Variants in PDE4C observed in about 807,000 individuals in gnomAD.
PDE4C encodes the protein phosphodiesterase 4C.
A neutral mutation model predicts 63.9 loss-of-function variants in PDE4C; 50 were observed. That is an observed-to-expected ratio of 0.78 (90% CI 0.62 to 0.99). PDE4C has a LOEUF of 0.99. Among genes scored for constraint, PDE4C ranks in the 50% least tolerant of loss-of-function variants. The pLI is 0.00. For synonymous variants in PDE4C, 377 were observed against 385.1 expected (o/e 0.98, Z 0.25); for missense variants, 777 against 899.1 (o/e 0.86, Z 1.74).
chr19:18,253,081 C>G (rs1398681786), upstream of PDE4C, among the ~76,000 whole-genome samples: 1 of 152,218 alleles, frequency 6.6e-6, no homozygotes, highest in African/African-American at 2.4e-5. Context: ...TCCCAGTCCT[C>G]TTGGCTGAGA....
At chr19:18,227,948 A>C (rs1443330577), upstream of PDE4C, among the ~76,000 whole-genome samples, 1 of 152,170 alleles carries the variant, frequency 6.6e-6, no homozygotes, top group Non-Finnish European at 1.5e-5. Context: ...GAGGAGTCAC[A>C]CAGCCCAGAA....
intron 13 of PDE4C, 148 bp from the exon 14 acceptor site, chr19:18,212,089 A>G: frequency 1.4e-6 from 1 of 734,526 alleles, no homozygotes; most frequent in Non-Finnish European, 2.2e-6. Flanking sequence ...GTTAAGGCAC[A>G]GGCATGTGAC....
At chr19:18,255,096 G>A in the PDE4C span, 9 of 393,936 alleles carry the variant, frequency 2.3e-5, no homozygotes, top group Non-Finnish European at 4.0e-5. The surrounding 1 kb of genome is among the most constrained non-coding windows in gnomAD (Gnocchi z 4.6). Flanking sequence ...AGCCTTCCTC[G>A]GAGGGTTGGC....
At chr19:18,234,017 C>T (rs2148056533), upstream of PDE4C, among the ~76,000 whole-genome samples, 1 of 152,310 alleles carries the variant, frequency 6.6e-6, no homozygotes, top group South Asian at 2.1e-4. Flanking sequence ...GGGAAATTGG[C>T]AAGGCTGTGA....
rs543352812 is a variant in PDE4C at position 18,211,567 on chromosome 19, C to T, written c.1695+192G>A. 1.6e-3 allele frequency among the ~76,000 whole-genome samples: 248 copies of T among 152,296 alleles called. 2 individuals carry two copies. Among genetic ancestry groups the T allele is most frequent in the African/African-American group, 5.7e-3 (238 of 41,560 alleles). On this transcript the variant is annotated intron_variant, in intron 14 of 14. Coordinates refer to ENST00000262805, the Ensembl canonical transcript of PDE4C. ...GTCACCTAGAACAGATGTTTCCAAA[C>T]CCCAGAAGTGCATGTCCCTCTCCCT...
intron 12 of PDE4C, among the ~76,000 whole-genome samples, chr19:18,216,121 A>G (rs56324036): frequency 0.27 from 40,514 of 151,332 alleles, 5,466 homozygotes; most frequent in Middle Eastern, 0.35. Flanking sequence ...GTGAGCCACC[A>G]CGCCTGGCCC....
chr19:18,235,514 C>A (rs192403009), upstream of PDE4C, among the ~76,000 whole-genome samples: 266 of 152,242 alleles, frequency 1.7e-3, 8 homozygotes, highest in Admixed American at 0.015. Flanking sequence ...AAGCTCCTCA[C>A]TTCTCTCCAG....
chr19:18,237,560 A>C (rs10439172), upstream of PDE4C, among the ~76,000 whole-genome samples: 542 of 151,230 alleles, frequency 3.6e-3, 5 homozygotes, highest in African/African-American at 0.013. Context: ...TCAAAAATAA[A>C]AAATATAAAT....
At position 18,220,945 on chromosome 19, in the gene PDE4C, C is replaced by A. The variant is rs1358422957; in HGVS notation, c.450-22G>T. 2 of 1,592,656 alleles carry A rather than the reference C, an allele frequency of 1.3e-6. No homozygotes were observed. Among genetic ancestry groups the A allele is most frequent in the Admixed American group, 3.6e-5 (2 of 55,242 alleles). On this transcript the variant is annotated intron_variant, in intron 4 of 14. Coordinates refer to ENST00000262805, the Ensembl canonical transcript of PDE4C. This position sits in a 1 kb window ranked among gnomAD's most constrained non-coding sequence, Gnocchi z 5.1. ...CTGCCTGCGGTACAGCAGCCTCAGG[C>A]GTGGCTGCTCCGCCCATCTCGCCCC...
At chr19:18,241,651 A>G (rs1260589676) in intron 1 of PDE4C, among the ~76,000 whole-genome samples, 1 of 152,062 alleles carries the variant, frequency 6.6e-6, no homozygotes, top group Non-Finnish European at 1.5e-5. Flanking sequence ...CCTAAGCTCA[A>G]GGATCCTCCC....
intron 1 of PDE4C, among the ~76,000 whole-genome samples, chr19:18,242,517 C>T (rs951789540): frequency 1.4e-5 from 2 of 143,228 alleles, no homozygotes; most frequent in Non-Finnish European, 3.0e-5. Context: ...CACAGTGGCT[C>T]ACACCTGTAA....
chr19:18,252,328 G>A, upstream of PDE4C: 2 of 399,068 alleles, frequency 5.0e-6, no homozygotes, highest in Admixed American at 4.4e-5. Context: ...GGGCTGAGGT[G>A]GGTTATGGAG....
chr19:18,233,907 G>T (rs1968903193), upstream of PDE4C, among the ~76,000 whole-genome samples: 1 of 152,198 alleles, frequency 6.6e-6, no homozygotes, highest in Non-Finnish European at 1.5e-5. Flanking sequence ...CAGTCTTTCT[G>T]CCAAGCCCAG....
rs746619948 is a variant in PDE4C at position 18,218,426 on chromosome 19, G to A, written c.1042C>T (p.His348Tyr). ...TGGTAGGCCACATTGGCGTGGTAGT[G>A]ACCTTCCAGCATCAGCAGGTAGGTG... is the stretch of plus-strand genomic sequence containing the variant. The change falls in exon 10 of 15, where the codon CAC becomes TAC. Residue 348 changes from histidine to tyrosine, a missense_variant. Around this residue, in one of 3 missense-constraint regions of PDE4C, gnomAD observed 500 missense variants for 597.8 expected, o/e 0.84. Coordinates refer to ENST00000262805, the Ensembl canonical transcript of PDE4C. The A allele has an allele frequency of 1.7e-5, 27 of 1,614,086 alleles. No individual in the cohort carries two copies. The highest frequency in any genetic ancestry group is 2.3e-5 in the Non-Finnish European group (27 of 1,180,032).
exon 1 of PDE4C, chr19:18,233,286 G>A (rs374982686): frequency 1.3e-4 from 189 of 1,508,286 alleles, no homozygotes; most frequent in Middle Eastern, 6.9e-4. Context: ...GCCCAGGGCC[G>A]GGAGTGGAGG....
rs76000693 is a variant in PDE4C, at chr19:18,220,554, C to T, written c.500-39G>A. On this transcript the variant is annotated intron_variant, in intron 5 of 14. Transcript: ENST00000262805. This position sits in a 1 kb window ranked among gnomAD's most constrained non-coding sequence, Gnocchi z 5.1. ...CAGTCAGGGGCCTGCCCAACCCCCCCGCTCAGGGACCCCACGCCTCTCGCG... is the reference window on the plus strand; with the variant it reads ...CAGTCAGGGGCCTGCCCAACCCCCCTGCTCAGGGACCCCACGCCTCTCGCG... 5.9e-6 allele frequency: 8 copies of T among 1,352,778 alleles called. No homozygotes were observed. Among genetic ancestry groups the T allele is most frequent in the South Asian group, 3.5e-5 (3 of 85,038 alleles). The allele number at this position is 1,352,778 out of a possible 1,614,324, so 83.8% of individuals were successfully genotyped here.
At chr19:18,226,528 C>A (rs561443176), upstream of PDE4C, 1 of 787,794 alleles carries the variant, frequency 1.3e-6, no homozygotes, top group Non-Finnish European at 1.7e-6. Flanking sequence ...GGCCCCGCCT[C>A]GAGGCCGGCG....
chr19:18,231,216 G>A (rs1887729100), upstream of PDE4C, among the ~76,000 whole-genome samples: 1 of 152,234 alleles, frequency 6.6e-6, no homozygotes, highest in African/African-American at 2.4e-5. Context: ...GAAGCACAGT[G>A]GGCCACATGC....
chr19:18,216,174 C>A (rs1051110376), intron 12 of PDE4C, among the ~76,000 whole-genome samples: 1 of 151,886 alleles, frequency 6.6e-6, no homozygotes, highest in Non-Finnish European at 1.5e-5. Flanking sequence ...GCACCTGACA[C>A]CCCAGAAACG....
Sources: gnomAD v4.1 joint callset for allele counts (sites outside exome capture counted in the v4.1 genomes callset) on GRCh38, gnomAD v4.1.1 for gene constraint, gnomAD v4.1.1 regional missense constraint, Gnocchi (gnomAD v3.1) non-coding constraint, MANE v1.5 for transcripts, NCBI Gene and HGNC (gene_info 2026-07-23, HGNC 2026-07-21) for gene names.